Variants in RGPD2 observed in about 807,000 individuals in gnomAD.
RGPD2 encodes RANBP2 like and GRIP domain containing 2, also known as RANBP2-like and GRIP domain-containing protein 2.
A neutral mutation model predicts 36.0 loss-of-function variants in RGPD2; 2 were observed. The observed-to-expected ratio is 0.06, with a 90% confidence interval of 0.02 to 0.17. RGPD2 has a LOEUF of 0.17. Ranked by LOEUF, RGPD2 falls within the 10% of genes least tolerant of loss-of-function variation. The pLI, the probability that RGPD2 is intolerant of heterozygous loss-of-function variation, is 1.00. For missense variants in RGPD2, 40 were observed against 464.3 expected, an observed-to-expected ratio of 0.09 and a Z score of 8.40; for synonymous variants, 19 against 163.8, an observed-to-expected ratio of 0.12 and a Z score of 6.75.
At chr2:87,983,162 A>T in the RGPD2 span, among the ~76,000 whole-genome samples, 1 of 151,708 alleles carries the variant, frequency 6.6e-6, no homozygotes, top group Admixed American at 6.6e-5. Flanking sequence ...TCTACTAAAA[A>T]TACAGAAATT....
At chr2:87,912,243 T>C in the RGPD2 span, among the ~76,000 whole-genome samples, 1 of 151,266 alleles carries the variant, frequency 6.6e-6, no homozygotes, top group Non-Finnish European at 1.5e-5. Flanking sequence ...TATGTACCTA[T>C]GTGCCTTTGC....
intron 22 of RGPD2, among the ~76,000 whole-genome samples, chr2:87,769,124 C>T (rs1237734083): frequency 0.019 from 1,794 of 94,864 alleles, no homozygotes; most frequent in African/African-American, 0.066. Flanking sequence ...TGCACCACCA[C>T]GCCCAGCTAA....
the RGPD2 span, among the ~76,000 whole-genome samples, chr2:87,864,484 C>T: frequency 6.6e-6 from 1 of 152,238 alleles, no homozygotes; most frequent in Non-Finnish European, 1.5e-5. Context: ...GGTCCCCCAG[C>T]TTGCAGATAG....
At chr2:87,858,115 T>C in the RGPD2 span, among the ~76,000 whole-genome samples, 2 of 152,188 alleles carry the variant, frequency 1.3e-5, no homozygotes, top group African/African-American at 4.8e-5. Flanking sequence ...AATCTATGAT[T>C]GAGTCATACG....
the RGPD2 span, among the ~76,000 whole-genome samples, chr2:87,975,377 G>T: frequency 7.2e-6 from 1 of 138,792 alleles, no homozygotes; most frequent in African/African-American, 2.7e-5. Flanking sequence ...TTTCTTTATT[G>T]CTGTATTCCT....
chr2:87,878,786 T>TA, the RGPD2 span, among the ~76,000 whole-genome samples: 4 of 152,238 alleles, frequency 2.6e-5, no homozygotes, highest in Non-Finnish European at 5.9e-5. Context: ...TCTCTACTTC[T>TA]ATGAATTTGA....
upstream of RGPD2, among the ~76,000 whole-genome samples, chr2:87,829,378 T>G (rs1423634280): frequency 7.1e-6 from 1 of 140,274 alleles, no homozygotes; most frequent in Admixed American, 7.4e-5. Context: ...TGTTTTCTTG[T>G]TGGGAAGGTA....
At chr2:87,968,692 C>G in the RGPD2 span, 4 of 221,446 alleles carry the variant, frequency 1.8e-5, no homozygotes, top group South Asian at 2.7e-4. Context: ...GGAAACCCAG[C>G]GGGCGCAAGC....
chr2:87,973,288 C>T, the RGPD2 span, among the ~76,000 whole-genome samples: 3 of 145,346 alleles, frequency 2.1e-5, no homozygotes, highest in East Asian at 2.0e-4. Context: ...CCGCTATCGC[C>T]GTTTAACTGG....
chr2:87,875,361 A>G, the RGPD2 span, among the ~76,000 whole-genome samples: 23 of 151,890 alleles, frequency 1.5e-4, no homozygotes, highest in Non-Finnish European at 1.8e-4. Context: ...GAATCTTACT[A>G]TTTTGAGGTA....
chr2:87,883,283 A>T, the RGPD2 span, among the ~76,000 whole-genome samples: 1 of 151,800 alleles, frequency 6.6e-6, no homozygotes, highest in African/African-American at 2.4e-5. Flanking sequence ...TGTAAACCTC[A>T]GGGTAACCAC....
At chr2:87,915,482 T>C in the RGPD2 span, among the ~76,000 whole-genome samples, 14 of 124,844 alleles carry the variant, frequency 1.1e-4, no homozygotes, top group South Asian at 2.9e-3. Flanking sequence ...TGTATATATA[T>C]GTGTGTATAT....
At chr2:87,973,693 T>A in the RGPD2 span, among the ~76,000 whole-genome samples, 21 of 105,434 alleles carry the variant, frequency 2.0e-4, no homozygotes, top group Admixed American at 4.2e-4. Context: ...GTGAACCAGC[T>A]AAAAAAAAAA....
At chr2:87,872,205 G>A in the RGPD2 span, among the ~76,000 whole-genome samples, 2,372 of 138,764 alleles carry the variant, frequency 0.017, no homozygotes, top group Middle Eastern at 0.034. Context: ...GAGCTGATGC[G>A]CGAAATCTTA....
At chr2:87,857,334 T>C in the RGPD2 span, among the ~76,000 whole-genome samples, 13 of 152,132 alleles carry the variant, frequency 8.5e-5, no homozygotes, top group Admixed American at 2.0e-4. Flanking sequence ...CAATAATATT[T>C]AAAATATTTG....
the RGPD2 span, among the ~76,000 whole-genome samples, chr2:87,958,769 T>C: frequency 1.3e-5 from 2 of 151,988 alleles, no homozygotes; most frequent in Admixed American, 1.3e-4. Context: ...TGGTCATTCA[T>C]TCCTCTATCA....
chr2:87,915,288 A>ATG, the RGPD2 span, among the ~76,000 whole-genome samples: 2 of 135,296 alleles, frequency 1.5e-5, no homozygotes, highest in African/African-American at 6.0e-5. Flanking sequence ...ATATATATAT[A>ATG]TGTATATTAT....
At chr2:87,880,805 A>G in the RGPD2 span, among the ~76,000 whole-genome samples, 1 of 73,878 alleles carries the variant, frequency 1.4e-5, no homozygotes, top group Non-Finnish European at 2.6e-5. Flanking sequence ...ACATTTTTGA[A>G]TTAACTCAAA....
At chr2:87,974,884 T>G in the RGPD2 span, among the ~76,000 whole-genome samples, 1 of 152,066 alleles carries the variant, frequency 6.6e-6, no homozygotes, top group African/African-American at 2.4e-5. Flanking sequence ...CTTTTACTAT[T>G]CATTTACCTC....
Sources: allele counts gnomAD v4.1 joint callset (sites outside exome capture counted in the v4.1 genomes callset), GRCh38; gene constraint gnomAD v4.1.1; transcripts MANE v1.5; gene names NCBI Gene and HGNC (gene_info 2026-07-23, HGNC 2026-07-21).